Variants in DESI1 observed in about 807,000 individuals in gnomAD.
The protein encoded by DESI1 is desumoylating isopeptidase 1.
DESI1 carries 17 observed loss-of-function variants against 22.4 expected under a neutral mutation model. The observed-to-expected ratio is 0.76, with a 90% confidence interval of 0.52 to 1.14. The LOEUF is 1.14. Among genes scored for constraint, DESI1 ranks in the 50% most tolerant of loss-of-function variants. The probability of loss-of-function intolerance (pLI) is 0.00; values close to 1 mark genes in which losing one functional copy is unlikely to be tolerated. For missense variants in DESI1, 177 were observed against 208.9 expected (o/e 0.85, Z 0.94); for synonymous variants, 92 against 84.2 (o/e 1.09, Z -0.51).
At chr22:41,603,103 G>T (rs1344523492) in intron 5 of DESI1, 156 bp downstream of exon 5, 1 of 1,119,582 alleles carries the variant, frequency 8.9e-7, no homozygotes, top group Non-Finnish European at 1.3e-6. Flanking sequence ...GCGCATCAGT[G>T]GGTGGAGAGA....
chr22:41,603,176 G>C, intron 5 of DESI1, 83 bp downstream of exon 5: 4 of 1,597,988 alleles, frequency 2.5e-6, no homozygotes, highest in East Asian at 2.2e-5. Context: ...GAGGGCAGAT[G>C]GGGGCCAGAG....
In DESI1 at chr22:41,614,129, C is replaced by T. The variant is rs530506434; in HGVS notation, c.89-6268G>A. On this transcript the variant is annotated intron_variant, in intron 1 of 5. Transcript: ENST00000263256. ...ATGGCTCACTACAACCCCCGCCTCCCGGGTTCAAGCAATTCTCCTGCCTCA... is the reference window on the plus strand; with the variant it reads ...ATGGCTCACTACAACCCCCGCCTCCTGGGTTCAAGCAATTCTCCTGCCTCA... 5.9e-5 allele frequency among the ~76,000 whole-genome samples: 9 copies of T among 152,042 alleles called. No individual in the cohort carries two copies. The South Asian group carries it at 1.5e-3, about 25-fold the overall frequency.
intron 2 of DESI1, among the ~76,000 whole-genome samples, 161 bp downstream of exon 2, chr22:41,607,679 G>C (rs2067491171): frequency 6.6e-6 from 1 of 152,244 alleles, no homozygotes; most frequent in Non-Finnish European, 1.5e-5. Flanking sequence ...GTCCCAGGGT[G>C]AGAGAGCAAA....
At chr22:41,609,230 CCA>C (rs1298044914) in intron 1 of DESI1, among the ~76,000 whole-genome samples, 2 of 152,206 alleles carry the variant, frequency 1.3e-5, no homozygotes, top group Non-Finnish European at 2.9e-5. Flanking sequence ...GCATGAGCCA[CCA>C]CACACTTGGC....
rs1056453659 is a variant in DESI1, at chr22:41,600,761, T to C, written c.*336A>G. 10 of 260,532 alleles carry C rather than the reference T, an allele frequency of 3.8e-5. No individual in the cohort carries two copies. The highest frequency in any genetic ancestry group is 1.9e-4 in the African/African-American group (8 of 43,168). The allele number at this position is 260,532 out of a possible 1,614,324, so 16.1% of individuals were successfully genotyped here. ...AGTGTTCTCTGGAAAGAGTTCTAGG[T>C]TGGGGCTCCCGCAAACTGTGACTCG... On this transcript the variant is annotated 3_prime_UTR_variant, in exon 6 of 6. Coordinates refer to ENST00000263256, the MANE Select transcript of DESI1 (RefSeq NM_015704.3).
chr22:41,602,223 G>C, intron 5 of DESI1: 2 of 985,380 alleles, frequency 2.0e-6, no homozygotes, highest in Non-Finnish European at 2.4e-6. Flanking sequence ...CCAAAGTATA[G>C]ACAGATGAAA....
chr22:41,607,978 C>T lies in DESI1; in HGVS notation c.89-117G>A, dbSNP rs1048924359. On this transcript the variant is annotated intron_variant, in intron 1 of 5. Coordinates refer to ENST00000263256, the MANE Select transcript of DESI1 (RefSeq NM_015704.3). ...AACCTGTCATAAACCTCTTGAGGGA[C>T]TTTCTAGGAATGCAAGTCCCCTCCA... The T allele has an allele frequency of 5.7e-5, 65 of 1,145,882 alleles. No homozygotes were observed. In the African/African-American group the frequency reaches 9.0e-4, roughly 16 times the overall value. 71.0% of individuals were successfully genotyped at this position (1,145,882 alleles called of 1,614,324 possible). A position where few individuals can be genotyped will look rare whatever the true frequency, so the allele number is the denominator to read the frequency against.
At chr22:41,607,238 CAG>C (rs767462548) in intron 3 of DESI1, 22 bp downstream of exon 3, 1 of 1,583,440 alleles carries the variant, frequency 6.3e-7, no homozygotes. Flanking sequence ...GACTGCAGGA[CAG>C]AGTGTAGGGG....
intron 1 of DESI1, among the ~76,000 whole-genome samples, chr22:41,614,590 C>CTTTTTTTTTT (rs10523372): frequency 0.023 from 1,994 of 85,588 alleles, 412 homozygotes; most frequent in African/African-American, 0.1. Flanking sequence ...GGCCTACATC[C>CTTTTTTTTTT]TTTTTTTTTT....
At chr22:41,603,643 TAA>T (rs1264410166) in intron 4 of DESI1, among the ~76,000 whole-genome samples, 2 of 152,250 alleles carry the variant, frequency 1.3e-5, no homozygotes, top group Non-Finnish European at 2.9e-5. Context: ...ACTCTGGTGT[TAA>T]GAGTTTACCC....
At chr22:41,606,924 T>C (rs1415789589) in intron 3 of DESI1, among the ~76,000 whole-genome samples, 1 of 152,092 alleles carries the variant, frequency 6.6e-6, no homozygotes, top group Non-Finnish European at 1.5e-5. Flanking sequence ...ATCATTCAGC[T>C]TAACATCAGT....
rs1297275140 is a variant in DESI1, at chr22:41,601,022, ATAGAAATCTGGTAGGGTTTGT to A, written c.*54_*74del. The A allele has an allele frequency of 7.4e-7, 1 of 1,352,700 alleles. No individual in the cohort carries two copies. The highest frequency in any genetic ancestry group is 1.5e-5 in the African/African-American group (1 of 68,478). 83.8% of individuals were successfully genotyped at this position (1,352,700 alleles called of 1,614,324 possible). ...GTTAGCTCTGATGTAAAATTATAAA[ATAGAAATCTGGTAGGGTTTGT>A]TTTGTTTAAAAAGGAAAAGCCCTGG... On this transcript the variant is annotated 3_prime_UTR_variant, in exon 6 of 6. Coordinates refer to ENST00000263256, the MANE Select transcript of DESI1 (RefSeq NM_015704.3).
intron 1 of DESI1, among the ~76,000 whole-genome samples, chr22:41,618,521 A>G (rs2067563366): frequency 6.6e-6 from 1 of 152,180 alleles, no homozygotes; most frequent in Non-Finnish European, 1.5e-5. Context: ...ATCTTTGTTC[A>G]TTATATCAAC....
At chr22:41,616,453 C>T (rs17002517) in intron 1 of DESI1, among the ~76,000 whole-genome samples, 10,294 of 151,348 alleles carry the variant, frequency 0.068, 1,100 homozygotes, top group African/African-American at 0.23. Context: ...GAAAAATAAA[C>T]GTGATGCATG....
Position 41,598,337 on chromosome 22 carries a change from AAT to A in DESI1, c.*2758_*2759del, listed in dbSNP as rs112160492. ...CTCCTGAGGTGCTGGGACAGACAGA[AAT>A]ATGAGGATGGGGGTAGGCAGTTGAA... On this transcript the variant is annotated 3_prime_UTR_variant, in exon 6 of 6. Coordinates refer to ENST00000263256, the MANE Select transcript of DESI1 (RefSeq NM_015704.3). 1.4e-4 allele frequency: 22 copies of A among 152,352 alleles called. No individual in the cohort carries two copies. Among genetic ancestry groups the A allele is most frequent in the African/African-American group, 5.1e-4 (21 of 41,552 alleles). 9.4% of individuals were successfully genotyped at this position (152,352 alleles called of 1,614,324 possible).
intron 5 of DESI1, chr22:41,602,681 A>G (rs2067455924): frequency 6.1e-6 from 6 of 987,942 alleles, no homozygotes; most frequent in African/African-American, 3.5e-5. Context: ...TTCGGGGTAT[A>G]CTGCCTGGAT....
chr22:41,612,628 C>T (rs1347578263), intron 1 of DESI1, among the ~76,000 whole-genome samples: 1 of 148,622 alleles, frequency 6.7e-6, no homozygotes, highest in African/African-American at 2.5e-5. Context: ...CAGGGTCTTG[C>T]TCTGCTACTC....
intron 3 of DESI1, among the ~76,000 whole-genome samples, chr22:41,605,386 C>T (rs1442234004): frequency 3.3e-5 from 5 of 152,110 alleles, no homozygotes; most frequent in Admixed American, 1.3e-4. Flanking sequence ...GGAAACCAGC[C>T]ACTGGGGAAG....
At chr22:41,619,038 T>C (rs1421666158) in intron 1 of DESI1, among the ~76,000 whole-genome samples, 4 of 150,662 alleles carry the variant, frequency 2.7e-5, no homozygotes, top group Non-Finnish European at 5.9e-5. Context: ...CACTCCAGCA[T>C]GGGTGACAGA....
Sources: allele counts gnomAD v4.1 joint callset (sites outside exome capture counted in the v4.1 genomes callset), GRCh38; gene constraint gnomAD v4.1.1; transcripts MANE v1.5; gene names NCBI Gene and HGNC (gene_info 2026-07-23, HGNC 2026-07-21).